The following PCSK2 variants were observed in gnomAD, a reference collection of about 807,000 sequenced individuals.
The protein encoded by PCSK2 is neuroendocrine convertase 2.
Under a neutral mutation model 69.7 loss-of-function variants are expected in PCSK2, and 14 were observed. The ratio of observed to expected loss-of-function variants is 0.20; its 90% CI spans 0.13 to 0.31. PCSK2 has a LOEUF of 0.31. Among genes scored for constraint, PCSK2 ranks in the 10% least tolerant of loss-of-function variants. The pLI is 1.00. For missense variants in PCSK2, 544 were observed against 842.5 expected (o/e 0.65, Z 4.39); for synonymous variants, 307 against 320.7 (o/e 0.96, Z 0.46).
intron 2 of PCSK2, among the ~76,000 whole-genome samples, chr20:17,336,016 C>A (rs142814548): frequency 2.6e-5 from 4 of 152,226 alleles, no homozygotes; most frequent in East Asian, 1.9e-4. Context: ...GTGGTTGAAT[C>A]AGTCACATGC....
intron 2 of PCSK2, among the ~76,000 whole-genome samples, chr20:17,288,710 T>C (rs546463627): frequency 4.6e-5 from 7 of 152,082 alleles, no homozygotes; most frequent in African/African-American, 1.2e-4. Flanking sequence ...CAAGAAGACG[T>C]AGGAGAGGAA....
At chr20:17,293,653 T>C (rs910197887) in intron 2 of PCSK2, among the ~76,000 whole-genome samples, 6 of 152,248 alleles carry the variant, frequency 3.9e-5, no homozygotes, top group Non-Finnish European at 7.3e-5. Flanking sequence ...AAAATCATTT[T>C]GAAATGACTA....
At chr20:17,351,184 T>C (rs1469371801) in intron 2 of PCSK2, among the ~76,000 whole-genome samples, 1 of 152,116 alleles carries the variant, frequency 6.6e-6, no homozygotes, top group Non-Finnish European at 1.5e-5. Context: ...AAGGGATGGG[T>C]AGAGTTGCTT....
chr20:17,229,728 A>G (rs1424601675), intron 1 of PCSK2, among the ~76,000 whole-genome samples: 1 of 151,916 alleles, frequency 6.6e-6, no homozygotes, highest in Non-Finnish European at 1.5e-5. Context: ...AGTAACAGGG[A>G]CTGCCTGGTG....
At chr20:17,293,831 G>A (rs544861678) in intron 2 of PCSK2, among the ~76,000 whole-genome samples, 26 of 152,196 alleles carry the variant, frequency 1.7e-4, no homozygotes, top group African/African-American at 5.8e-4. Context: ...CAAATGAACT[G>A]GAACCTTCGT....
chr20:17,481,413 A>AAAAGAT (rs113487407), intron 11 of PCSK2, among the ~76,000 whole-genome samples, 171 bp from the exon 12 acceptor site: 1 of 115,820 alleles, frequency 8.6e-6, no homozygotes, highest in Admixed American at 8.5e-5. Context: ...AAAAAAAAAA[A>AAAAGAT]AGAGATAAGT....
intron 10 of PCSK2, among the ~76,000 whole-genome samples, chr20:17,460,684 T>A (rs1363226278): frequency 6.6e-6 from 1 of 152,198 alleles, no homozygotes; most frequent in African/African-American, 2.4e-5. Flanking sequence ...AATATTTTAA[T>A]TGGATGTCTG....
chr20:17,271,242 C>A (rs1428482693), intron 2 of PCSK2, among the ~76,000 whole-genome samples: 2 of 151,746 alleles, frequency 1.3e-5, no homozygotes, highest in African/African-American at 4.8e-5. Context: ...CCTAAAATTC[C>A]ATTTCTTGTC....
intron 6 of PCSK2, among the ~76,000 whole-genome samples, chr20:17,419,110 C>T (rs1006187964): frequency 2.6e-5 from 4 of 152,268 alleles, no homozygotes; most frequent in African/African-American, 9.6e-5. Context: ...TTTCCTGACA[C>T]TTTAAACCAT....
intron 8 of PCSK2, among the ~76,000 whole-genome samples, chr20:17,445,279 G>A (rs1270247946): frequency 5.9e-5 from 9 of 152,334 alleles, no homozygotes; most frequent in African/African-American, 9.6e-5. Flanking sequence ...ATTCATGAAC[G>A]TCTTTCCACA....
chr20:17,470,718 A>T (rs981030066), intron 11 of PCSK2, among the ~76,000 whole-genome samples: 1 of 152,242 alleles, frequency 6.6e-6, no homozygotes, highest in East Asian at 1.9e-4. Flanking sequence ...AGGATCAGAC[A>T]AATAAAGCAA....
chr20:17,443,415 T>C (rs1306751940), intron 8 of PCSK2, among the ~76,000 whole-genome samples: 1 of 149,930 alleles, frequency 6.7e-6, no homozygotes, highest in Non-Finnish European at 1.5e-5. Flanking sequence ...AAATTTTTGA[T>C]GCACAGACAG....
At chr20:17,312,583 AC>A (rs796408620) in intron 2 of PCSK2, among the ~76,000 whole-genome samples, 25 of 151,888 alleles carry the variant, frequency 1.6e-4, no homozygotes, top group African/African-American at 5.5e-4. Context: ...ACCTGACCTG[AC>A]CCCCAGTTAG....
intron 2 of PCSK2, among the ~76,000 whole-genome samples, chr20:17,265,418 G>A (rs746733302): frequency 1.3e-5 from 2 of 152,054 alleles, no homozygotes; most frequent in Non-Finnish European, 2.9e-5. Flanking sequence ...GTGCTGCTCT[G>A]AGAAACATAT....
intron 4 of PCSK2, 39 bp downstream of exon 4, chr20:17,360,679 C>A (rs541045866): frequency 8.1e-7 from 1 of 1,233,072 alleles, no homozygotes; most frequent in Non-Finnish European, 1.2e-6. Context: ...TGGAAATAAG[C>A]GTGCCTTTGC....
intron 1 of PCSK2, among the ~76,000 whole-genome samples, chr20:17,245,947 T>G (rs1218668910): frequency 6.6e-6 from 1 of 152,194 alleles, no homozygotes; most frequent in African/African-American, 2.4e-5. Context: ...ATATATTAAA[T>G]GTCTTACCAA....
chr20:17,416,668 C>G (rs2032006820), intron 6 of PCSK2, among the ~76,000 whole-genome samples: 1 of 152,180 alleles, frequency 6.6e-6, no homozygotes, highest in Admixed American at 6.5e-5. Context: ...AATCCAACTA[C>G]TGGATATATA....
intron 4 of PCSK2, among the ~76,000 whole-genome samples, chr20:17,365,090 A>G (rs1316465197): frequency 2.0e-5 from 3 of 152,144 alleles, no homozygotes; most frequent in Admixed American, 6.5e-5. Flanking sequence ...ACCTTAGACT[A>G]GGTCATTTAT....
At chr20:17,327,954 C>T (rs6044736) in intron 2 of PCSK2, among the ~76,000 whole-genome samples, 5 of 152,256 alleles carry the variant, frequency 3.3e-5, no homozygotes, top group African/African-American at 1.2e-4. Flanking sequence ...GCACGCGATG[C>T]CCATGTTGAG....
Sources: gnomAD v4.1 joint callset for allele counts (sites outside exome capture counted in the v4.1 genomes callset) on GRCh38, gnomAD v4.1.1 for gene constraint, MANE v1.5 for transcripts, NCBI Gene and HGNC (gene_info 2026-07-23, HGNC 2026-07-21) for gene names.